DISC1: variants seen among roughly 807,000 people sequenced by gnomAD.
The protein encoded by DISC1 is disrupted in schizophrenia 1 protein.
DISC1 carries 57 observed loss-of-function variants against 84.5 expected under a neutral mutation model. That is an observed-to-expected ratio of 0.67 (90% CI 0.55 to 0.84). The LOEUF (loss-of-function observed/expected upper bound fraction) is 0.84, where lower values mean the gene tolerates loss of function less well. DISC1 is among the 40% of genes least tolerant of loss of function. DISC1 has a pLI of 0.00. For synonymous variants in DISC1, 411 were observed against 415.2 expected (o/e 0.99, Z 0.12); for missense variants, 1,000 against 1,057.8 (o/e 0.95, Z 0.76).
At chr1:231,833,682 G>C (rs533158435) in intron 9 of DISC1, among the ~76,000 whole-genome samples, 9 of 152,304 alleles carry the variant, frequency 5.9e-5, no homozygotes, top group African/African-American at 2.2e-4. Flanking sequence ...GCAAGCTCCT[G>C]GGGGAGGCAG....
chr1:231,832,251 A>AT (rs1303680439), intron 9 of DISC1, among the ~76,000 whole-genome samples: 2 of 152,016 alleles, frequency 1.3e-5, no homozygotes, highest in African/African-American at 2.4e-5. Context: ...ATAGTTTGTG[A>AT]TTTTGAGGGC....
chr1:231,867,433 T>C (rs889189270), intron 9 of DISC1, among the ~76,000 whole-genome samples: 3 of 152,132 alleles, frequency 2.0e-5, no homozygotes, highest in Non-Finnish European at 2.9e-5. Flanking sequence ...AAAAGTGGTT[T>C]GGAACTGTGT....
At chr1:231,641,358 G>A (rs941686766) in intron 1 of DISC1, among the ~76,000 whole-genome samples, 1 of 152,142 alleles carries the variant, frequency 6.6e-6, no homozygotes, top group Non-Finnish European at 1.5e-5. Context: ...GAGTGAAGCT[G>A]CGGACCTTCG....
chr1:232,026,763 T>TC (rs1669507304), intron 12 of DISC1, among the ~76,000 whole-genome samples: 2 of 22,110 alleles, frequency 9.0e-5, no homozygotes, highest in Admixed American at 3.3e-4. Flanking sequence ...TTCTTTTTTC[T>TC]TTTTTTTTTT....
intron 3 of DISC1, among the ~76,000 whole-genome samples, chr1:231,707,004 C>T (rs973593494): frequency 1.3e-5 from 2 of 152,184 alleles, no homozygotes; most frequent in Non-Finnish European, 2.9e-5. Context: ...GCCACATAAG[C>T]GTTGATGTGA....
At chr1:231,952,694 TATA>T (rs1658674801) in intron 9 of DISC1, among the ~76,000 whole-genome samples, 2 of 91,654 alleles carry the variant, frequency 2.2e-5, no homozygotes, top group Admixed American at 1.4e-4. Flanking sequence ...TATATGTTTA[TATA>T]TATATATATA....
intron 1 of DISC1, among the ~76,000 whole-genome samples, chr1:231,669,533 A>G (rs998577297): frequency 6.7e-6 from 1 of 148,570 alleles, no homozygotes; most frequent in African/African-American, 2.6e-5. Flanking sequence ...CAAGAAAAAA[A>G]ACAAACAACC....
intron 1 of DISC1, among the ~76,000 whole-genome samples, chr1:231,627,286 C>G (rs934899107): frequency 6.6e-6 from 1 of 152,146 alleles, no homozygotes; most frequent in Non-Finnish European, 1.5e-5. Context: ...GATCCGTCCC[C>G]GTCCTGGGAC....
intron 3 of DISC1, 105 bp from the exon 4 acceptor site, chr1:231,749,821 C>A: frequency 6.8e-7 from 1 of 1,480,802 alleles, no homozygotes; most frequent in Non-Finnish European, 9.4e-7. Context: ...GTCATGATGT[C>A]ATTAAGGCAA....
intron 1 of DISC1, 60 bp from the exon 2 acceptor site, chr1:231,693,766 G>T (rs1653032911): frequency 1.2e-6 from 2 of 1,609,930 alleles, no homozygotes. Flanking sequence ...TCCAGATGCA[G>T]TTCCAGCTGG....
At chr1:231,690,286 C>T (rs1242252523) in intron 1 of DISC1, among the ~76,000 whole-genome samples, 3 of 152,158 alleles carry the variant, frequency 2.0e-5, no homozygotes, top group Non-Finnish European at 4.4e-5. Context: ...TGATCTGTTG[C>T]GGAACAAGAG....
intron 9 of DISC1, among the ~76,000 whole-genome samples, chr1:231,845,920 C>T (rs12732242): frequency 0.17 from 26,489 of 151,860 alleles, 2,421 homozygotes; most frequent in Middle Eastern, 0.3. Flanking sequence ...GCCCAGGTGT[C>T]GGCCTGGTGA....
intron 10 of DISC1, among the ~76,000 whole-genome samples, chr1:231,988,372 C>A (rs1357508471): frequency 6.6e-6 from 1 of 152,170 alleles, no homozygotes. Flanking sequence ...TTTTTTAAGT[C>A]ACAAATCTTT....
At chr1:231,704,623 G>A (rs1385642096) in intron 3 of DISC1, among the ~76,000 whole-genome samples, 1 of 151,970 alleles carries the variant, frequency 6.6e-6, no homozygotes, top group Non-Finnish European at 1.5e-5. Flanking sequence ...AGCCGGGCGT[G>A]GTGGCAGGCG....
At position 231,978,890 on chromosome 1, in the gene DISC1, G is replaced by A. The variant is rs534274111; in HGVS notation, c.2042+20002G>A. On this transcript the variant is annotated intron_variant, in intron 10 of 12. Coordinates refer to ENST00000439617, the MANE Select transcript of DISC1 (RefSeq NM_018662.3). Reference sequence around the variant, plus strand: ...TGTAGATCAGGGGTCTCCAACCCCCGGGCCATGGACCAGTACCAGTCCGCG... The same window carrying A: ...TGTAGATCAGGGGTCTCCAACCCCCAGGCCATGGACCAGTACCAGTCCGCG... Among the ~76,000 whole-genome samples the A allele has an allele frequency of 3.3e-5, 5 of 152,280 alleles. No homozygotes were observed. The East Asian group carries it at 5.8e-4, about 18-fold the overall frequency.
At chr1:231,797,736 T>C (rs962196658) in intron 7 of DISC1, among the ~76,000 whole-genome samples, 6 of 152,138 alleles carry the variant, frequency 3.9e-5, no homozygotes, top group African/African-American at 1.4e-4. Context: ...TCTAATACAT[T>C]TATAAAACTT....
rs141684864 is a variant in DISC1, at chr1:231,945,215, A to G, written c.1982-13613A>G. On this transcript the variant is annotated intron_variant, in intron 9 of 12. Transcript: ENST00000439617. ...AAAATTGACCACATAATTGGAAGTT[A>G]AACACTCCTCAGCAAATGCAAAAGA... The G allele has an allele frequency of 2.0e-5, 3 of 152,332 alleles. No homozygotes were observed. In the East Asian group the frequency reaches 5.8e-4, roughly 29 times the overall value. 9.4% of individuals were successfully genotyped at this position (152,332 alleles called of 1,614,324 possible).
chr1:231,923,821 G>A (rs202055913), intron 9 of DISC1, among the ~76,000 whole-genome samples: 13 of 152,186 alleles, frequency 8.5e-5, no homozygotes, highest in Non-Finnish European at 1.6e-4. Flanking sequence ...GGCATAGAAT[G>A]GTGCCAACTG....
chr1:231,774,104 A>G (rs977377425), intron 6 of DISC1, among the ~76,000 whole-genome samples: 1 of 152,100 alleles, frequency 6.6e-6, no homozygotes, highest in African/African-American at 2.4e-5. Context: ...AATAAAAAAA[A>G]TTAGCCAGGC....
Sources: gnomAD v4.1 joint callset for allele counts (sites outside exome capture counted in the v4.1 genomes callset) on GRCh38, gnomAD v4.1.1 for gene constraint, MANE v1.5 for transcripts, NCBI Gene and HGNC (gene_info 2026-07-23, HGNC 2026-07-21) for gene names.